PCCA: variants seen among roughly 807,000 people sequenced by gnomAD.
The protein encoded by PCCA is propionyl-CoA carboxylase subunit alpha.
PCCA carries 74 observed loss-of-function variants against 101.3 expected under a neutral mutation model. That is an observed-to-expected ratio of 0.73 (90% CI 0.61 to 0.89). The LOEUF is 0.89. Among genes scored for constraint, PCCA ranks in the 40% least tolerant of loss-of-function variants. The pLI, the probability that PCCA is intolerant of heterozygous loss-of-function variation, is 0.00. For synonymous variants in PCCA, 294 were observed against 313.6 expected, an observed-to-expected ratio of 0.94 and a Z score of 0.66; for missense variants, 891 against 907.0, an observed-to-expected ratio of 0.98 and a Z score of 0.23.
intron 7 of PCCA, among the ~76,000 whole-genome samples, chr13:100,225,571 A>T (rs1386773088): frequency 4.6e-5 from 7 of 152,202 alleles, no homozygotes; most frequent in African/African-American, 7.2e-5. Context: ...GAAATCATTT[A>T]AAAAAGACCC....
chr13:100,291,004 A>G (rs1012244446), intron 12 of PCCA, among the ~76,000 whole-genome samples: 2 of 152,250 alleles, frequency 1.3e-5, no homozygotes, highest in Non-Finnish European at 2.9e-5. Flanking sequence ...TTAAAAATAA[A>G]ATGAAAATAT....
intron 4 of PCCA, among the ~76,000 whole-genome samples, chr13:100,148,244 G>T (rs1359286011): frequency 6.6e-6 from 1 of 152,086 alleles, no homozygotes; most frequent in Non-Finnish European, 1.5e-5. Context: ...TCTGAATTAT[G>T]TCATATCTCA....
At chr13:100,483,868 GTTGGAATCGT>G (rs974658306) in intron 21 of PCCA, among the ~76,000 whole-genome samples, 4 of 152,190 alleles carry the variant, frequency 2.6e-5, no homozygotes, top group Non-Finnish European at 5.9e-5. Context: ...GAAGTGATGG[GTTGGAATCGT>G]TTTTAATGCT....
intron 19 of PCCA, among the ~76,000 whole-genome samples, chr13:100,390,042 G>C (rs1327315977): frequency 6.6e-6 from 1 of 152,212 alleles, no homozygotes; most frequent in African/African-American, 2.4e-5. Context: ...TCAGCTGCAA[G>C]TATTTTGGAG....
In PCCA at chr13:100,240,583, A is replaced by AT. The variant is rs200644021; in HGVS notation, c.637+4713dup. 7.2e-5 allele frequency among the ~76,000 whole-genome samples: 11 copies of AT among 152,008 alleles called. No individual in the cohort carries two copies. In the South Asian group the frequency reaches 1.9e-3, roughly 26 times the overall value. ...TCTGCATAGTATTCATGATTTGCAGATTTTTTTTATTCATAAACTTTTCTC... is the reference window on the plus strand; with the variant it reads ...TCTGCATAGTATTCATGATTTGCAGATTTTTTTTTATTCATAAACTTTTCTC... On this transcript the variant is annotated intron_variant, in intron 8 of 23. Coordinates refer to ENST00000376285, the MANE Select transcript of PCCA (RefSeq NM_000282.4).
intron 21 of PCCA, among the ~76,000 whole-genome samples, chr13:100,504,477 G>C (rs2085915762): frequency 6.6e-6 from 1 of 152,206 alleles, no homozygotes; most frequent in Admixed American, 6.5e-5. Context: ...TTAGATCCCT[G>C]TGTGTTGAAT....
intron 4 of PCCA, among the ~76,000 whole-genome samples, chr13:100,123,711 A>G (rs2049670506): frequency 6.6e-6 from 1 of 152,198 alleles, no homozygotes; most frequent in Non-Finnish European, 1.5e-5. Context: ...GTAGCCTAAC[A>G]TATTAAAATA....
chr13:100,237,085 A>G (rs942959360), intron 8 of PCCA: 2 of 152,232 alleles, frequency 1.3e-5, no homozygotes, highest in African/African-American at 4.8e-5. Context: ...TTCTGCCTCT[A>G]GAGAGCATTT....
At chr13:100,365,222 G>T (rs955000893) in intron 18 of PCCA, among the ~76,000 whole-genome samples, 3 of 152,192 alleles carry the variant, frequency 2.0e-5, no homozygotes, top group Non-Finnish European at 2.9e-5. Flanking sequence ...AACAGGCTGA[G>T]ATTTAGACCT....
At position 100,328,965 on chromosome 13, in the gene PCCA, T is replaced by C. The variant is rs148882240; in HGVS notation, c.1430-1596T>C. On this transcript the variant is annotated intron_variant, in intron 16 of 23. Coordinates refer to ENST00000376285, the MANE Select transcript of PCCA (RefSeq NM_000282.4). ...CCTCGGCCTCCCAAAGTGCTGGAAT[T>C]ACAAGTGTGAGCCACCGCGCCTGGA... Among the ~76,000 whole-genome samples, 548 of 151,244 alleles carry C rather than the reference T, an allele frequency of 3.6e-3. 5 individuals are homozygous for C. The highest frequency in any genetic ancestry group is 0.013 in the African/African-American group (530 of 41,258).
At chr13:100,319,746 G>A (rs552223973) in intron 16 of PCCA, among the ~76,000 whole-genome samples, 1 of 152,292 alleles carries the variant, frequency 6.6e-6, no homozygotes, top group South Asian at 2.1e-4. Context: ...TAGCCTTGTA[G>A]TATAGTTTGA....
In PCCA at chr13:100,385,241, A is replaced by G. The variant is rs533141367; in HGVS notation, c.1746+16667A>G. On this transcript the variant is annotated intron_variant, in intron 19 of 23. Transcript: ENST00000376285. ...TTTTCCTTGATAAAATTATTTTTCC[A>G]TTTGAAAAATTATTAGGATAATAAG... is the stretch of plus-strand genomic sequence containing the variant. 1.4e-4 allele frequency among the ~76,000 whole-genome samples: 21 copies of G among 152,330 alleles called. No homozygotes were observed. In the East Asian group the frequency reaches 4.0e-3, roughly 29 times the overall value.
intron 22 of PCCA, among the ~76,000 whole-genome samples, chr13:100,519,598 G>A (rs2087083036): frequency 1.3e-5 from 2 of 152,220 alleles, no homozygotes; most frequent in Non-Finnish European, 2.9e-5. Flanking sequence ...CCAAGCAGGT[G>A]TGCAGTCAGG....
chr13:100,136,790 C>A (rs2152334936), intron 4 of PCCA, among the ~76,000 whole-genome samples: 1 of 151,714 alleles, frequency 6.6e-6, no homozygotes, highest in East Asian at 1.9e-4. Flanking sequence ...TTTTTTTCTT[C>A]TTTTCTTAGT....
At chr13:100,468,850 C>T (rs1351402779) in intron 21 of PCCA, among the ~76,000 whole-genome samples, 1 of 152,066 alleles carries the variant, frequency 6.6e-6, no homozygotes, top group Non-Finnish European at 1.5e-5. Flanking sequence ...CATGGTGAAA[C>T]TCCATCTCTA....
In PCCA at chr13:100,422,069, CTTTTCTT is replaced by C. The variant is rs1299327969; in HGVS notation, c.1747-3562_1747-3556del. 3.3e-3 allele frequency among the ~76,000 whole-genome samples: 158 copies of C among 47,386 alleles called. 2 individuals are homozygous for C. Among genetic ancestry groups the C allele is most frequent in the African/African-American group, 0.012 (145 of 12,518 alleles). 31.1% of individuals were successfully genotyped at this position (47,386 alleles called of 152,430 possible). A position where few individuals can be genotyped will look rare whatever the true frequency, so the allele number is the denominator to read the frequency against. ...TTCTTTTCCTTTTCTCTTCTCTTTT[CTTTTCTT>C]TCTTTCTTTCTTTCTTTCTTTCTTT... On this transcript the variant is annotated intron_variant, in intron 19 of 23. Transcript: ENST00000376285.
intron 10 of PCCA, among the ~76,000 whole-genome samples, chr13:100,268,385 C>G (rs1463539491): frequency 6.6e-6 from 1 of 152,214 alleles, no homozygotes; most frequent in African/African-American, 2.4e-5. Flanking sequence ...TTATCCCCTT[C>G]ACTAACACTC....
At chr13:100,261,973 T>C (rs563955060) in intron 9 of PCCA, among the ~76,000 whole-genome samples, 5 of 152,316 alleles carry the variant, frequency 3.3e-5, no homozygotes, top group African/African-American at 9.6e-5. Flanking sequence ...ACCCTTTACA[T>C]TTTTCTTTGC....
chr13:100,309,930 CGTT>C lies in PCCA; in HGVS notation c.1429+24_1429+26del, dbSNP rs779529619. ...CGAGGTAAAAACAAAGATTTGCACTCGTTGGTTATTGTATATGGTGTCCAGTTC... is the reference window on the plus strand; with the variant it reads ...CGAGGTAAAAACAAAGATTTGCACTCGGTTATTGTATATGGTGTCCAGTTC... On this transcript the variant is annotated intron_variant, in intron 16 of 23. Coordinates refer to ENST00000376285, the MANE Select transcript of PCCA (RefSeq NM_000282.4). 2.6e-6 allele frequency: 4 copies of C among 1,563,684 alleles called. No individual in the cohort carries two copies. The African/African-American group carries it at 4.1e-5, about 16-fold the overall frequency.
Sources: gnomAD v4.1 joint callset for allele counts (sites outside exome capture counted in the v4.1 genomes callset) on GRCh38, gnomAD v4.1.1 for gene constraint, MANE v1.5 for transcripts, NCBI Gene and HGNC (gene_info 2026-07-23, HGNC 2026-07-21) for gene names.